Variants in RAD54L2 observed in about 807,000 individuals in gnomAD.
RAD54L2 encodes RAD54 like 2.
RAD54L2 carries 27 observed loss-of-function variants against 138.4 expected under a neutral mutation model. That is an observed-to-expected ratio of 0.20 (90% CI 0.14 to 0.27). RAD54L2 has a LOEUF of 0.27. RAD54L2 is among the 10% of genes least tolerant of loss of function. The pLI, the probability that RAD54L2 is intolerant of heterozygous loss-of-function variation, is 1.00. For synonymous variants in RAD54L2, 644 were observed against 723.2 expected (o/e 0.89, Z 1.76); for missense variants, 1,396 against 1,890.2 (o/e 0.74, Z 4.85).
In RAD54L2 at chr3:51,627,761, T is replaced by C. The variant is rs113971604; in HGVS notation, c.341+7T>C. 1,821 of 1,613,666 alleles carry C rather than the reference T, an allele frequency of 1.1e-3. 14 individuals carry two copies. In the African/African-American group the frequency reaches 0.021, roughly 19 times the overall value. On this transcript the variant is annotated splice_region_variant and intron_variant, in intron 4 of 22. Transcript: ENST00000684192. ...ACATGAGAAGAAACATACGGTGAGC[T>C]GTGCTCTGTGTAAGAGGAGAGGGAA...
At chr3:51,553,684 C>T (rs1698898115) in intron 2 of RAD54L2, among the ~76,000 whole-genome samples, 1 of 152,012 alleles carries the variant, frequency 6.6e-6, no homozygotes, top group Admixed American at 6.6e-5. Context: ...AAAAATTAGC[C>T]GAGTGTTGCA....
chr3:51,633,732 A>C lies in RAD54L2; in HGVS notation c.981A>C (p.Pro327=). The stretch of plus-strand genomic sequence containing the variant: ...TCGACGTCCTCTTCCGCCACACGCC[A>C]GCCAAAACAGTCCTTGCCATTGTGC... The part of the protein sequence containing the change: ...SFIDVLFRHT[P]AKTVLAIVPV... The change falls in exon 8 of 23, where the codon CCA becomes CCC. Residue 327 remains proline, a synonymous_variant. Transcript: ENST00000684192. 1 of 1,613,958 alleles carries C rather than the reference A, an allele frequency of 6.2e-7. No individual in the cohort carries two copies. The highest frequency in any genetic ancestry group is 8.5e-7 in the Non-Finnish European group (1 of 1,179,882).
At chr3:51,544,991 T>C (rs1233408847) in intron 2 of RAD54L2, among the ~76,000 whole-genome samples, 1 of 152,296 alleles carries the variant, frequency 6.6e-6, no homozygotes, top group African/African-American at 2.4e-5. Flanking sequence ...AGTGTCACCA[T>C]ATACAGGAAA....
intron 3 of RAD54L2, among the ~76,000 whole-genome samples, chr3:51,615,314 C>T (rs547347343): frequency 1.3e-5 from 2 of 152,254 alleles, no homozygotes; most frequent in African/African-American, 2.4e-5. Context: ...TGCTCCCAGC[C>T]GAGCTTTTAA....
Position 51,666,002 on chromosome 3 carries a change from GTCTA to G in RAD54L2, c.*2585_*2588del, listed in dbSNP as rs1701902027. The G allele has an allele frequency of 6.6e-6, 1 of 152,114 alleles. No homozygotes were observed. The highest frequency in any genetic ancestry group is 2.1e-4 in the South Asian group (1 of 4,824). The allele number at this position is 152,114 out of a possible 1,614,324, so 9.4% of individuals were successfully genotyped here. ...TTCTGAGAGGCAGCACATGCCTACT[GTCTA>G]TCCAGTGTTCCAGGGACTGGGTCTT... On this transcript the variant is annotated 3_prime_UTR_variant, in exon 23 of 23. Coordinates refer to ENST00000684192, the MANE Select transcript of RAD54L2 (RefSeq NM_015106.4).
Position 51,641,759 on chromosome 3 carries a change from TC to T in RAD54L2, c.2244del (p.Thr749ProfsTer37). 1 of 1,585,364 alleles carries T rather than the reference TC, an allele frequency of 6.3e-7. No individual in the cohort carries two copies. The highest frequency in any genetic ancestry group is 8.6e-7 in the Non-Finnish European group (1 of 1,164,518). On this transcript the variant is annotated frameshift_variant, in exon 15 of 23. Coordinates refer to ENST00000684192, the MANE Select transcript of RAD54L2 (RefSeq NM_015106.4). LOFTEE classifies it high-confidence loss of function. ...DKILVFSQSL[S>X]TLALIEEFLG... The stretch of plus-strand genomic sequence containing the variant: ...TGTTTTCTGTTTCAGCCAGAGTCTT[TC>T]CACCTTGGCTCTCATCGAGGAATTC...
chr3:51,631,913 C>T (rs974644092), intron 7 of RAD54L2, among the ~76,000 whole-genome samples: 3 of 152,164 alleles, frequency 2.0e-5, no homozygotes, highest in Non-Finnish European at 4.4e-5. Flanking sequence ...GGATTACAGG[C>T]GTGAGCCACC....
At chr3:51,586,567 C>CTTT (rs35274115) in intron 2 of RAD54L2, among the ~76,000 whole-genome samples, 2 of 136,824 alleles carry the variant, frequency 1.5e-5, no homozygotes, top group Non-Finnish European at 1.6e-5. Flanking sequence ...AAAGAAAACA[C>CTTT]TTTTTTTTTT....
chr3:51,629,863 A>T (rs1221477505), intron 5 of RAD54L2, among the ~76,000 whole-genome samples: 1 of 152,144 alleles, frequency 6.6e-6, no homozygotes, highest in African/African-American at 2.4e-5. Flanking sequence ...ACTCTATCTC[A>T]AAAAAATAAA....
chr3:51,629,366 T>C lies in RAD54L2; in HGVS notation c.374T>C (p.Val125Ala). The change falls in exon 5 of 23, where the codon GTT (valine) becomes GCT (alanine). Residue 125 changes from valine to alanine, a missense_variant. Physicochemically the swap from Val to Ala is moderately conservative, Grantham distance 64 (BLOSUM62 0). This residue lies in a region of RAD54L2 where 256 missense variants were observed against 344.6 expected (regional missense o/e 0.74). Coordinates refer to ENST00000684192, the MANE Select transcript of RAD54L2 (RefSeq NM_015106.4). ...KLLREDQLEP[V>A]TKAAQQEELE... ...CTCCGGGAGGATCAATTGGAGCCTG[T>C]TACCAAAGCAGCACAGCAAGAAGAG... 1 of 1,597,634 alleles carries C rather than the reference T, an allele frequency of 6.3e-7. No homozygotes were observed. Among genetic ancestry groups the C allele is most frequent in the Non-Finnish European group, 8.5e-7 (1 of 1,172,198 alleles).
At chr3:51,572,314 G>T (rs1428035001) in intron 2 of RAD54L2, among the ~76,000 whole-genome samples, 1 of 152,024 alleles carries the variant, frequency 6.6e-6, no homozygotes, top group Admixed American at 6.6e-5. Context: ...TTAGCCAGGC[G>T]TTGTGGTGGG....
intron 2 of RAD54L2, among the ~76,000 whole-genome samples, chr3:51,552,995 C>T (rs1016690549): frequency 1.3e-5 from 2 of 152,072 alleles, no homozygotes; most frequent in African/African-American, 4.8e-5. Context: ...CCTTTGTCAA[C>T]TTTTTGGCTG....
At chr3:51,541,218 A>G (rs1005241984) in intron 1 of RAD54L2, 1 of 152,138 alleles carries the variant, frequency 6.6e-6, no homozygotes, top group East Asian at 1.9e-4. Flanking sequence ...TAGGTCTATG[A>G]AGAAAGAAGT....
At chr3:51,565,352 G>A (rs767012888) in intron 2 of RAD54L2, among the ~76,000 whole-genome samples, 2 of 150,352 alleles carry the variant, frequency 1.3e-5, no homozygotes, top group Non-Finnish European at 3.0e-5. Flanking sequence ...GCAGTGAGCC[G>A]AGATCTCACC....
chr3:51,616,241 A>G (rs2106769567), intron 3 of RAD54L2, among the ~76,000 whole-genome samples: 1 of 152,276 alleles, frequency 6.6e-6, no homozygotes, highest in East Asian at 1.9e-4. Flanking sequence ...TATACTGTAT[A>G]TTTATACCCA....
At position 51,627,698 on chromosome 3, in the gene RAD54L2, C is replaced by T. The variant is rs763411135; in HGVS notation, c.285C>T (p.Ser95=). 5.6e-6 allele frequency: 9 copies of T among 1,613,478 alleles called. No individual in the cohort carries two copies. The highest frequency in any genetic ancestry group is 3.3e-5 in the South Asian group (3 of 90,902). Residue 95 remains serine (S), a synonymous_variant, in exon 4 of 23, where the codon TCC becomes TCT. Coordinates refer to ENST00000684192, the MANE Select transcript of RAD54L2 (RefSeq NM_015106.4). ...LRRHQGKNLA[S]EDPKKKRAQK... is the part of the protein sequence containing the mutation. ...GCCACCAAGGCAAGAACCTAGCCTCCGAGGACCCCAAAAAGAAGAGAGCTC... is the reference window on the plus strand; with the variant it reads ...GCCACCAAGGCAAGAACCTAGCCTCTGAGGACCCCAAAAAGAAGAGAGCTC...
intron 2 of RAD54L2, among the ~76,000 whole-genome samples, chr3:51,588,116 G>A (rs1699748568): frequency 6.7e-6 from 1 of 148,924 alleles, no homozygotes; most frequent in Non-Finnish European, 1.5e-5. Context: ...AACTCAGGAG[G>A]TGGAGCTTGC....
At chr3:51,550,448 C>T (rs1250655665) in intron 2 of RAD54L2, among the ~76,000 whole-genome samples, 2 of 152,166 alleles carry the variant, frequency 1.3e-5, no homozygotes, top group Non-Finnish European at 2.9e-5. Context: ...AATTCCATAT[C>T]TCATTATTAA....
intron 3 of RAD54L2, among the ~76,000 whole-genome samples, chr3:51,624,673 G>A (rs1480926552): frequency 1.3e-5 from 2 of 152,204 alleles, no homozygotes; most frequent in Admixed American, 1.3e-4. Context: ...ATAATAACGG[G>A]CATAGCTGGA....
Sources: allele counts gnomAD v4.1 joint callset (sites outside exome capture counted in the v4.1 genomes callset), GRCh38; gene constraint gnomAD v4.1.1; regional missense constraint gnomAD v4.1.1; transcripts MANE v1.5; gene names NCBI Gene and HGNC (gene_info 2026-07-23, HGNC 2026-07-21).